Variants in DZIP1 observed in about 807,000 individuals in gnomAD.
DZIP1 encodes cilium assembly protein DZIP1.
DZIP1 carries 97 observed loss-of-function variants against 107.6 expected under a neutral mutation model. The ratio of observed to expected loss-of-function variants is 0.90; its 90% CI spans 0.77 to 1.07. DZIP1 has a LOEUF of 1.07. Ranked by LOEUF, DZIP1 falls within the 50% of genes least tolerant of loss-of-function variation. DZIP1 has a pLI of 0.00. For synonymous variants in DZIP1, 390 were observed against 386.4 expected, an observed-to-expected ratio of 1.01 and a Z score of -0.11; for missense variants, 1,035 against 1,063.6, an observed-to-expected ratio of 0.97 and a Z score of 0.37.
At chr13:95,616,341 C>G (rs1289092798) in intron 10 of DZIP1, among the ~76,000 whole-genome samples, 1 of 152,204 alleles carries the variant, frequency 6.6e-6, no homozygotes, top group Admixed American at 6.5e-5. Context: ...CTGAACCCTA[C>G]AATCAGCCTT....
chr13:95,587,683 T>C lies in DZIP1; in HGVS notation c.2074A>G (p.Ile692Val). The part of the protein sequence containing the change: ...SEEEQEDDDL[I>V]RAYASPGPLP... ...GGGCCTGGGGATGCGTATGCCCGGA[T>C]GAGGTCGTCGTCCTCCTGCTCCTCC... Residue 692 changes from isoleucine to valine, a missense_variant, in exon 20 of 23, where the codon ATC becomes GTC. Ile to Val is a conservative substitution (Grantham distance 29). Coordinates refer to ENST00000376829, the MANE Select transcript of DZIP1 (RefSeq NM_198968.4). The C allele has an allele frequency of 6.2e-7, 1 of 1,614,156 alleles. No individual in the cohort carries two copies. The highest frequency in any genetic ancestry group is 1.3e-5 in the African/African-American group (1 of 75,038).
At chr13:95,633,934 T>C (rs1877501422) in intron 5 of DZIP1, among the ~76,000 whole-genome samples, 1 of 151,922 alleles carries the variant, frequency 6.6e-6, no homozygotes, top group South Asian at 2.1e-4. Context: ...AAAGTAAAAA[T>C]ATAAGTAAAT....
chr13:95,623,542 A>G (rs1174906750), intron 8 of DZIP1, among the ~76,000 whole-genome samples: 1 of 152,230 alleles, frequency 6.6e-6, no homozygotes, highest in Admixed American at 6.5e-5. Context: ...AAATTACCAA[A>G]CATGGCTGTG....
intron 13 of DZIP1, among the ~76,000 whole-genome samples, chr13:95,608,126 G>A (rs937011136): frequency 2.0e-5 from 3 of 152,112 alleles, no homozygotes; most frequent in South Asian, 2.1e-4. Context: ...GGCCTCACTC[G>A]GAAGGGACCG....
In DZIP1 at chr13:95,580,110, G is replaced by A. The variant is rs919344942; in HGVS notation, c.*2124C>T. The A allele has an allele frequency of 8.5e-5, 13 of 152,240 alleles. No homozygotes were observed. The highest frequency in any genetic ancestry group is 2.1e-4 in the South Asian group (1 of 4,824). The allele number at this position is 152,240 out of a possible 1,614,324, so 9.4% of individuals were successfully genotyped here. A position where few individuals can be genotyped will look rare whatever the true frequency, so the allele number is the denominator to read the frequency against. ...CAGCACTTTGGGAGGACAAGACAGCGGATCATTTGAGGTCAGGAGTTCGAG... is the reference window on the plus strand; with the variant it reads ...CAGCACTTTGGGAGGACAAGACAGCAGATCATTTGAGGTCAGGAGTTCGAG... On this transcript the variant is annotated 3_prime_UTR_variant, in exon 23 of 23. Coordinates refer to ENST00000376829, the MANE Select transcript of DZIP1 (RefSeq NM_198968.4).
At position 95,606,077 on chromosome 13, in the gene DZIP1, G is replaced by A. The variant is rs774405197; in HGVS notation, c.1421-18C>T. On this transcript the variant is annotated intron_variant, in intron 13 of 22. Coordinates refer to ENST00000376829, the MANE Select transcript of DZIP1 (RefSeq NM_198968.4). Reference sequence around the variant, plus strand: ...GGCATTCACTGAAACAGCATAAAAAGGAAAAACTCAGAGGTTCCATAATTA... The same window carrying A: ...GGCATTCACTGAAACAGCATAAAAAAGAAAAACTCAGAGGTTCCATAATTA... 1.1e-5 allele frequency: 18 copies of A among 1,611,086 alleles called. No homozygotes were observed. The highest frequency in any genetic ancestry group is 1.3e-5 in the Non-Finnish European group (15 of 1,179,072).
In DZIP1 at chr13:95,641,395, T is replaced by C. The variant is rs756850664; in HGVS notation, c.497A>G (p.Gln166Arg). Residue 166 changes from glutamine to arginine, a missense_variant, in exon 5 of 23, where the codon CAG becomes CGG. Transcript: ENST00000376829. The surrounding 1 kb of genome is among the most constrained non-coding windows in gnomAD (Gnocchi z 4.3). Reference sequence around the variant, plus strand: ...CTTGAGCGTCTTGATCTCCCCCGCCTGCTTGGTGAGCAGCTTCTTGCTCTG... The same window carrying C: ...CTTGAGCGTCTTGATCTCCCCCGCCCGCTTGGTGAGCAGCTTCTTGCTCTG... Reference protein sequence around the residue: ...GEQSKKLLTKQAGEIKTLKEE... With the variant: ...GEQSKKLLTKRAGEIKTLKEE... 6 of 1,614,030 alleles carry C rather than the reference T, an allele frequency of 3.7e-6. No individual in the cohort carries two copies. The highest frequency in any genetic ancestry group is 1.3e-5 in the African/African-American group (1 of 74,928).
At chr13:95,609,022 G>A (rs1013716657) in intron 13 of DZIP1, among the ~76,000 whole-genome samples, 16 of 152,334 alleles carry the variant, frequency 1.1e-4, no homozygotes, top group Non-Finnish European at 1.8e-4. Flanking sequence ...TGACAGCTCC[G>A]GGAGATAGAG....
rs2138716187 is a variant in DZIP1 at position 95,581,116 on chromosome 13, T to C, written c.*1118A>G. On this transcript the variant is annotated 3_prime_UTR_variant, in exon 23 of 23. Coordinates refer to ENST00000376829, the MANE Select transcript of DZIP1 (RefSeq NM_198968.4). ...TCTAATAACACAGCCACAGTCACAG[T>C]GATGTAACAGAGGGCTTTACTGAAA... The C allele has an allele frequency of 6.6e-6, 1 of 152,594 alleles. No homozygotes were observed. The highest frequency in any genetic ancestry group is 2.1e-4 in the South Asian group (1 of 4,822). The allele number at this position is 152,594 out of a possible 1,614,324, so 9.5% of individuals were successfully genotyped here.
intron 11 of DZIP1, 125 bp from the exon 12 acceptor site, chr13:95,611,618 C>A: frequency 1.3e-6 from 1 of 775,386 alleles, no homozygotes. Flanking sequence ...GGACATAGGG[C>A]ATGTGGTCTT....
intron 11 of DZIP1, 78 bp downstream of exon 11, chr13:95,611,959 C>T (rs952307244): frequency 6.5e-7 from 1 of 1,535,120 alleles, no homozygotes. Flanking sequence ...CTTACAAATG[C>T]TCTAAAGTAA....
chr13:95,624,230 A>T (rs1876259819), intron 8 of DZIP1, among the ~76,000 whole-genome samples: 2 of 152,242 alleles, frequency 1.3e-5, no homozygotes, highest in African/African-American at 4.8e-5. Context: ...TTAGAAGGAC[A>T]CTGATTGATT....
At chr13:95,600,317 C>G (rs943077787) in intron 14 of DZIP1, among the ~76,000 whole-genome samples, 1 of 152,048 alleles carries the variant, frequency 6.6e-6, no homozygotes, top group East Asian at 1.9e-4. Context: ...CAGTGCACTT[C>G]CCCCCACCAG....
chr13:95,587,693 G>A lies in DZIP1; in HGVS notation c.2064C>T (p.Asp688=). Residue 688 remains aspartate (D), a synonymous_variant, in exon 20 of 23, where the codon GAC becomes GAT. Coordinates refer to ENST00000376829, the MANE Select transcript of DZIP1 (RefSeq NM_198968.4). ...ATGCGTATGCCCGGATGAGGTCGTC[G>A]TCCTCCTGCTCCTCCTCTGAACTAA... ...PPFSSEEEQE[D]DDLIRAYASP... The A allele has an allele frequency of 1.2e-6, 2 of 1,614,022 alleles. No individual in the cohort carries two copies. The highest frequency in any genetic ancestry group is 1.7e-6 in the Non-Finnish European group (2 of 1,180,000).
intron 20 of DZIP1, among the ~76,000 whole-genome samples, chr13:95,586,595 A>G (rs1420780781): frequency 1.3e-5 from 2 of 152,142 alleles, no homozygotes; most frequent in African/African-American, 4.8e-5. Flanking sequence ...TGGAATATTC[A>G]TATGGGTATT....
At chr13:95,601,860 T>C (rs983159605) in intron 14 of DZIP1, among the ~76,000 whole-genome samples, 1 of 152,338 alleles carries the variant, frequency 6.6e-6, no homozygotes, top group Non-Finnish European at 1.5e-5. Flanking sequence ...CCCAGTCACC[T>C]GCTCAGCCTT....
At chr13:95,635,846 G>T (rs963751941) in intron 5 of DZIP1, among the ~76,000 whole-genome samples, 1 of 152,096 alleles carries the variant, frequency 6.6e-6, no homozygotes, top group Admixed American at 6.6e-5. Flanking sequence ...CCATGTAAGT[G>T]TAAGATGAGA....
chr13:95,609,356 G>C (rs1328089570), intron 13 of DZIP1, 101 bp downstream of exon 13: 2 of 743,918 alleles, frequency 2.7e-6, no homozygotes, highest in Non-Finnish European at 4.0e-6. Flanking sequence ...AAATACATTG[G>C]TTTTCAAAGA....
chr13:95,629,053 C>A (rs901202281), intron 7 of DZIP1, among the ~76,000 whole-genome samples: 3 of 151,868 alleles, frequency 2.0e-5, no homozygotes, highest in African/African-American at 7.3e-5. Context: ...AAGAGTGAGC[C>A]CATGTGGAAG....
Sources: gnomAD v4.1 joint callset for allele counts (sites outside exome capture counted in the v4.1 genomes callset) on GRCh38, gnomAD v4.1.1 for gene constraint, Gnocchi (gnomAD v3.1) non-coding constraint, MANE v1.5 for transcripts, NCBI Gene and HGNC (gene_info 2026-07-23, HGNC 2026-07-21) for gene names.